The following SEMA3A variants were observed in gnomAD, a reference collection of about 807,000 sequenced individuals.
The protein encoded by SEMA3A is semaphorin-3A.
Under a neutral mutation model 97.9 loss-of-function variants are expected in SEMA3A, and 29 were observed. That is an observed-to-expected ratio of 0.30 (90% confidence interval 0.22 to 0.40). The LOEUF (loss-of-function observed/expected upper bound fraction) is 0.40. Among genes scored for constraint, SEMA3A ranks in the 10% least tolerant of loss-of-function variants. The pLI is 1.00. For synonymous variants in SEMA3A, 321 were observed against 323.7 expected (o/e 0.99, Z 0.09); for missense variants, 763 against 951.3 (o/e 0.80, Z 2.60).
chr7:84,401,376 A>G (rs1291266942), intron 1 of SEMA3A, among the ~76,000 whole-genome samples: 2 of 152,154 alleles, frequency 1.3e-5, no homozygotes, highest in East Asian at 3.9e-4. Flanking sequence ...CAATGGAAAA[A>G]TATTCCATTT....
intron 1 of SEMA3A, among the ~76,000 whole-genome samples, chr7:84,387,009 AAAT>A (rs3049920): frequency 0.46 from 68,956 of 150,998 alleles, 17,359 homozygotes; most frequent in East Asian, 0.79. Context: ...CAAAAAAAGA[AAAT>A]AATAATAATA....
chr7:84,380,066 G>A (rs1279249460), intron 1 of SEMA3A, among the ~76,000 whole-genome samples: 1 of 152,146 alleles, frequency 6.6e-6, no homozygotes, highest in Non-Finnish European at 1.5e-5. Context: ...TCCGTGGCAG[G>A]TTTTGTGTGC....
At chr7:84,326,360 T>C (rs1197581297) in intron 2 of SEMA3A, among the ~76,000 whole-genome samples, 1 of 152,156 alleles carries the variant, frequency 6.6e-6, no homozygotes, top group African/African-American at 2.4e-5. Flanking sequence ...AAGTGTTCTA[T>C]GAAGCATAAA....
intron 3 of SEMA3A, among the ~76,000 whole-genome samples, chr7:84,228,311 C>T (rs189394714): frequency 8.5e-5 from 13 of 152,080 alleles, no homozygotes; most frequent in East Asian, 1.9e-4. Context: ...CTACAAATAC[C>T]GTACCCCATC....
Position 83,958,922 on chromosome 7 carries a change from A to C in SEMA3A, c.*2449T>G, listed in dbSNP as rs922791357. On this transcript the variant is annotated 3_prime_UTR_variant, in exon 17 of 17. Coordinates refer to ENST00000265362, the MANE Select transcript of SEMA3A (RefSeq NM_006080.3). The stretch of plus-strand genomic sequence containing the variant: ...ATGATTCATGCATATGACAAAGTCT[A>C]TTTAAAGCTGAATTATTAAATGGGC... 2.6e-5 allele frequency: 4 copies of C among 152,126 alleles called. No individual in the cohort carries two copies. The highest frequency in any genetic ancestry group is 6.6e-5 in the Admixed American group (1 of 15,244). 9.4% of individuals were successfully genotyped at this position (152,126 alleles called of 1,614,324 possible).
chr7:84,100,914 C>T (rs541361945), intron 4 of SEMA3A, among the ~76,000 whole-genome samples: 1 of 152,208 alleles, frequency 6.6e-6, no homozygotes, highest in South Asian at 2.1e-4. Context: ...TTGCTCATGA[C>T]GCTTTTCTTT....
At chr7:84,173,243 T>C (rs1032799670) in intron 1 of SEMA3A, among the ~76,000 whole-genome samples, 3 of 152,102 alleles carry the variant, frequency 2.0e-5, no homozygotes, top group African/African-American at 4.8e-5. Context: ...GAATCTTCTA[T>C]TGAACCCTCT....
intron 3 of SEMA3A, among the ~76,000 whole-genome samples, chr7:84,218,754 T>C (rs1178703478): frequency 2.6e-5 from 4 of 152,102 alleles, no homozygotes; most frequent in Admixed American, 2.6e-4. Context: ...TCCTATAGCT[T>C]GTCCCTTTAA....
chr7:84,274,039 CAT>C (rs1239417150), intron 3 of SEMA3A, among the ~76,000 whole-genome samples: 3 of 151,948 alleles, frequency 2.0e-5, no homozygotes, highest in African/African-American at 7.2e-5. Flanking sequence ...ATTTTCTTGA[CAT>C]AGAATTTTGG....
At chr7:84,119,704 T>G (rs1795543907) in intron 3 of SEMA3A, among the ~76,000 whole-genome samples, 1 of 152,124 alleles carries the variant, frequency 6.6e-6, no homozygotes, top group Non-Finnish European at 1.5e-5. Flanking sequence ...AATCCACTTA[T>G]GAAGATTATC....
At position 84,305,235 on chromosome 7, in the gene SEMA3A, C is replaced by T. The variant is rs1270018815; in HGVS notation, c.-83+1972G>A. On this transcript the variant is annotated intron_variant, in intron 3 of 3. Coordinates refer to the SEMA3A transcript ENST00000424555. ...AACAATTCTTTTTTCAGGTTACTTC[C>T]AGTAAAAAAAAAAAAAAAGCAAAAA... 3.4e-5 allele frequency among the ~76,000 whole-genome samples: 5 copies of T among 145,730 alleles called. No homozygotes were observed. The East Asian group carries it at 9.9e-4, about 29-fold the overall frequency.
intron 4 of SEMA3A, among the ~76,000 whole-genome samples, chr7:84,091,361 GAAGA>G (rs144342262): frequency 5.4e-5 from 5 of 93,280 alleles, no homozygotes; most frequent in East Asian, 3.6e-4. Flanking sequence ...AGGAAGAAAG[GAAGA>G]AAGGAAGGAA....
At chr7:84,256,640 C>T (rs976868223) in intron 3 of SEMA3A, among the ~76,000 whole-genome samples, 9 of 151,952 alleles carry the variant, frequency 5.9e-5, no homozygotes, top group South Asian at 2.1e-4. Context: ...TAATGTACAA[C>T]GGGATGGAAA....
intron 2 of SEMA3A, among the ~76,000 whole-genome samples, chr7:84,356,226 T>G (rs1802557014): frequency 6.6e-6 from 1 of 151,884 alleles, no homozygotes; most frequent in Admixed American, 6.6e-5. Context: ...TTGGATTATA[T>G]TAATATTATA....
chr7:83,982,834 G>T (rs921867214), intron 13 of SEMA3A, among the ~76,000 whole-genome samples: 2 of 151,954 alleles, frequency 1.3e-5, no homozygotes, highest in East Asian at 1.9e-4. Flanking sequence ...GTACCTATGA[G>T]AATCTAAGAA....
intron 3 of SEMA3A, among the ~76,000 whole-genome samples, chr7:84,285,923 T>C (rs1331068839): frequency 6.9e-6 from 1 of 144,074 alleles, no homozygotes; most frequent in Non-Finnish European, 1.5e-5. Flanking sequence ...GAGTGAGACA[T>C]GATCGACTGC....
intron 5 of SEMA3A, among the ~76,000 whole-genome samples, chr7:84,047,674 T>A (rs1002851407): frequency 2.0e-5 from 3 of 152,080 alleles, no homozygotes; most frequent in Non-Finnish European, 4.4e-5. Flanking sequence ...CTTCAAATAA[T>A]CCATGACAAC....
intron 4 of SEMA3A, among the ~76,000 whole-genome samples, chr7:84,100,331 A>G (rs1486628337): frequency 6.6e-6 from 1 of 152,116 alleles, no homozygotes; most frequent in Non-Finnish European, 1.5e-5. Flanking sequence ...CTCCTATTGT[A>G]TGGTGCTGGA....
chr7:84,025,406 GA>G, intron 6 of SEMA3A, among the ~76,000 whole-genome samples: 1 of 152,172 alleles, frequency 6.6e-6, no homozygotes, highest in Admixed American at 6.5e-5. Flanking sequence ...ACAACATACA[GA>G]AAACAAAAGC....
Sources: gnomAD v4.1 joint callset for allele counts (sites outside exome capture counted in the v4.1 genomes callset) on GRCh38, gnomAD v4.1.1 for gene constraint, MANE v1.5 for transcripts, NCBI Gene and HGNC (gene_info 2026-07-23, HGNC 2026-07-21) for gene names.